Variants in MSRA observed in about 807,000 individuals in gnomAD.
The protein encoded by MSRA is methionine sulfoxide reductase A.
MSRA carries 54 observed loss-of-function variants against 31.3 expected under a neutral mutation model. The observed-to-expected ratio is 1.73, with a 90% CI of 1.39 to 2.17. The LOEUF is 2.17. Ranked by LOEUF, MSRA falls within the 30% of genes most tolerant of loss-of-function variation. MSRA has a pLI of 0.00. For missense variants in MSRA, 507 were observed against 300.9 expected (o/e 1.69, Z -5.07); for synonymous variants, 169 against 116.5 (o/e 1.45, Z -2.90).
In MSRA at chr8:10,191,301, A is replaced by G. The variant is rs183488952; in HGVS notation, c.143-16532A>G. On this transcript the variant is annotated intron_variant, in intron 1 of 5. Coordinates refer to ENST00000317173, the MANE Select transcript of MSRA (RefSeq NM_012331.5). ...CCAGACTCACCTAACCAACTGATCA[A>G]CAAAACAAAACCCCACCGAAATACA... Among the ~76,000 whole-genome samples the G allele has an allele frequency of 2.0e-5, 3 of 152,344 alleles. No homozygotes were observed. The East Asian group carries it at 5.8e-4, about 29-fold the overall frequency.
intron 2 of MSRA, among the ~76,000 whole-genome samples, chr8:10,230,554 A>G (rs1381056642): frequency 6.6e-6 from 1 of 152,252 alleles, no homozygotes; most frequent in Non-Finnish European, 1.5e-5. Flanking sequence ...AAAGAAAACC[A>G]GAGGCAACCA....
intron 2 of MSRA, among the ~76,000 whole-genome samples, chr8:10,224,288 C>T (rs1585209608): frequency 6.6e-6 from 1 of 152,198 alleles, no homozygotes; most frequent in East Asian, 1.9e-4. Context: ...ATGATAGGAT[C>T]ATCTTTGCAT....
intron 1 of MSRA, among the ~76,000 whole-genome samples, chr8:10,055,551 G>A (rs1308947773): frequency 6.6e-6 from 1 of 152,232 alleles, no homozygotes; most frequent in Non-Finnish European, 1.5e-5. Context: ...CTGAATCGGA[G>A]ACTCTGGGGG....
At chr8:10,265,064 G>C (rs918898138) in intron 3 of MSRA, among the ~76,000 whole-genome samples, 4 of 152,174 alleles carry the variant, frequency 2.6e-5, no homozygotes, top group South Asian at 2.1e-4. Flanking sequence ...AGAGCATTGA[G>C]AGCTCTTGTT....
chr8:10,348,315 G>A (rs910484410), intron 5 of MSRA, among the ~76,000 whole-genome samples: 50 of 150,054 alleles, frequency 3.3e-4, no homozygotes, highest in Admixed American at 1.7e-3. Context: ...CCAGCAGCAT[G>A]GCCAAATGCC....
rs749515581 is a variant in MSRA at position 10,428,346 on chromosome 8, G to C, written c.*34G>C. On this transcript the variant is annotated 3_prime_UTR_variant, in exon 6 of 6. Coordinates refer to ENST00000317173, the MANE Select transcript of MSRA (RefSeq NM_012331.5). ...CACATGGTGGGCCTTTGAGGTTCCA[G>C]TAAAAATGCTTTCAACAAATTGGGC... is the stretch of plus-strand genomic sequence containing the variant. The C allele has an allele frequency of 2.5e-6, 4 of 1,604,654 alleles. No homozygotes were observed. The highest frequency in any genetic ancestry group is 2.2e-5 in the East Asian group (1 of 44,836).
intron 1 of MSRA, among the ~76,000 whole-genome samples, chr8:10,071,435 G>T (rs1797726681): frequency 6.7e-6 from 1 of 149,610 alleles, no homozygotes; most frequent in Non-Finnish European, 1.5e-5. Context: ...TTTCTTCTAG[G>T]CTGTAGCTTG....
intron 5 of MSRA, among the ~76,000 whole-genome samples, chr8:10,393,011 G>A (rs1198426858): frequency 7.1e-6 from 1 of 140,010 alleles, no homozygotes; most frequent in African/African-American, 2.7e-5. Context: ...GCAGTGAGCC[G>A]AGATAGCGCC....
chr8:10,374,907 C>T (rs1402352733), intron 5 of MSRA, among the ~76,000 whole-genome samples: 1 of 152,100 alleles, frequency 6.6e-6, no homozygotes, highest in Non-Finnish European at 1.5e-5. Context: ...CCAGTTCATG[C>T]AAGAGCTGGT....
chr8:10,064,029 C>T lies in MSRA; in HGVS notation c.142+9371C>T, dbSNP rs144904700. On this transcript the variant is annotated intron_variant, in intron 1 of 5. Transcript: ENST00000317173. Reference sequence around the variant, plus strand: ...GCTTTGGGGCTCTGTTTTGTGCTTTCATTCCAGTGTCTCTCCTTGGGGAGA... The same window carrying T: ...GCTTTGGGGCTCTGTTTTGTGCTTTTATTCCAGTGTCTCTCCTTGGGGAGA... 3.9e-5 allele frequency among the ~76,000 whole-genome samples: 6 copies of T among 152,270 alleles called. 1 individual carries two copies. Among genetic ancestry groups the T allele is most frequent in the African/African-American group, 1.4e-4 (6 of 41,562 alleles).
intron 2 of MSRA, among the ~76,000 whole-genome samples, chr8:10,209,365 G>C (rs749597971): frequency 3.9e-5 from 6 of 152,114 alleles, no homozygotes; most frequent in Non-Finnish European, 8.8e-5. Context: ...AATAGTAAAT[G>C]ACACTAACCT....
At chr8:10,152,446 A>G (rs1451604932) in intron 1 of MSRA, among the ~76,000 whole-genome samples, 1 of 152,170 alleles carries the variant, frequency 6.6e-6, no homozygotes, top group Non-Finnish European at 1.5e-5. Context: ...TGTCCTGGGC[A>G]GGAAGATGAC....
intron 3 of MSRA, among the ~76,000 whole-genome samples, chr8:10,249,266 T>G (rs1797791748): frequency 6.6e-6 from 1 of 152,214 alleles, no homozygotes; most frequent in African/African-American, 2.4e-5. Context: ...TTATTTAGAA[T>G]TCAATAAAAT....
At chr8:10,086,814 G>A (rs1286393009) in intron 1 of MSRA, among the ~76,000 whole-genome samples, 1 of 151,700 alleles carries the variant, frequency 6.6e-6, no homozygotes, top group African/African-American at 2.4e-5. Flanking sequence ...AGGAGGGGAG[G>A]GAAAGGAGAG....
At chr8:10,248,475 G>A (rs989739214) in intron 3 of MSRA, among the ~76,000 whole-genome samples, 2 of 152,170 alleles carry the variant, frequency 1.3e-5, no homozygotes, top group Non-Finnish European at 2.9e-5. Flanking sequence ...TCAGCACACA[G>A]GTGGGTGAAC....
intron 3 of MSRA, among the ~76,000 whole-genome samples, chr8:10,300,700 A>G (rs761025015): frequency 6.6e-6 from 1 of 152,150 alleles, no homozygotes; most frequent in Non-Finnish European, 1.5e-5. Context: ...ATTCTTTACT[A>G]CACATAAGGT....
chr8:10,067,983 G>A (rs988082563), intron 1 of MSRA, among the ~76,000 whole-genome samples: 3 of 146,724 alleles, frequency 2.0e-5, no homozygotes, highest in African/African-American at 7.5e-5. Flanking sequence ...TCCCAGGCCC[G>A]AGTGATACTC....
chr8:10,259,082 G>T (rs369812218), intron 3 of MSRA, among the ~76,000 whole-genome samples: 18 of 151,420 alleles, frequency 1.2e-4, no homozygotes, highest in African/African-American at 4.4e-4. Context: ...ACTCCAGCTT[G>T]GGTGACAGAG....
chr8:10,370,940 G>A (rs1048183484), intron 5 of MSRA, among the ~76,000 whole-genome samples: 1 of 152,168 alleles, frequency 6.6e-6, no homozygotes, highest in Non-Finnish European at 1.5e-5. Flanking sequence ...ACACACGCTC[G>A]TGGGCAGGTC....
Sources: gnomAD v4.1 joint callset for allele counts (sites outside exome capture counted in the v4.1 genomes callset) on GRCh38, gnomAD v4.1.1 for gene constraint, MANE v1.5 for transcripts, NCBI Gene and HGNC (gene_info 2026-07-23, HGNC 2026-07-21) for gene names.